The following COL11A1 variants were observed in gnomAD, a reference collection of about 807,000 sequenced individuals.
COL11A1 encodes the protein collagen alpha-1(XI) chain.
Under a neutral mutation model 265.2 loss-of-function variants are expected in COL11A1, and 74 were observed. That is an observed-to-expected ratio of 0.28 (90% CI 0.23 to 0.34). The LOEUF (loss-of-function observed/expected upper bound fraction) is 0.34. COL11A1 is among the 10% of genes least tolerant of loss of function. The pLI, the probability that COL11A1 is intolerant of heterozygous loss-of-function variation, is 1.00. For synonymous variants in COL11A1, 816 were observed against 727.6 expected (o/e 1.12, Z -1.96); for missense variants, 2,165 against 2,263.6 (o/e 0.96, Z 0.88).
In COL11A1 at chr1:103,078,724, T is replaced by C. The variant is rs1430449624; in HGVS notation, c.422A>G (p.Asp141Gly). The change falls in exon 3 of 67, where the codon GAC (aspartate) becomes GGC (glycine). Residue 141 changes from aspartate (D) to glycine (G), a missense_variant. Asp to Gly is a moderately conservative substitution (Grantham distance 94). Transcript: ENST00000370096. ...VGRSPVFLFE[D>G]HTGKPAPEDY... is the part of the protein sequence containing the mutation. Reference sequence around the variant, plus strand: ...TTCTGGGGCAGGTTTTCCAGTGTGGTCTTCAAACAGAAAAACAGGTGATCT... The same window carrying C: ...TTCTGGGGCAGGTTTTCCAGTGTGGCCTTCAAACAGAAAAACAGGTGATCT... 1 of 1,613,348 alleles carries C rather than the reference T, an allele frequency of 6.2e-7. No homozygotes were observed. Among genetic ancestry groups the C allele is most frequent in the African/African-American group, 1.3e-5 (1 of 74,874 alleles).
At chr1:103,042,548 G>T (rs1203947865) in intron 4 of COL11A1, among the ~76,000 whole-genome samples, 1 of 151,940 alleles carries the variant, frequency 6.6e-6, no homozygotes, top group African/African-American at 2.4e-5. Context: ...GTTGGTTTCC[G>T]GGACAGACAT....
chr1:102,913,864 C>T lies in COL11A1; in HGVS notation c.3979-174G>A, dbSNP rs12135438. On this transcript the variant is annotated intron_variant, in intron 52 of 66. Coordinates refer to ENST00000370096, the MANE Select transcript of COL11A1 (RefSeq NM_001854.4). ...AAAGATTGTGGTACCTCTCACTCTC[C>T]GCAAAAAAATTTGTAAAACTGCTAC... 0.06 allele frequency among the ~76,000 whole-genome samples: 9,079 copies of T among 151,974 alleles called. 334 individuals carry two copies. Among genetic ancestry groups the T allele is most frequent in the Non-Finnish European group, 0.085 (5,797 of 67,948 alleles).
Position 102,991,834 on chromosome 1 carries a change from ATT to A in COL11A1, c.2341-2265_2341-2264del, listed in dbSNP as rs5776670. On this transcript the variant is annotated intron_variant, in intron 28 of 66. Coordinates refer to ENST00000370096, the MANE Select transcript of COL11A1 (RefSeq NM_001854.4). ...CTCAAAGAACTCTAGCATGCCAGGA[ATT>A]TTTTTTTTTTTTTTCAAGAGAAAGT... Among the ~76,000 whole-genome samples the A allele has an allele frequency of 9.4e-3, 1,330 of 142,218 alleles. 14 individuals carry two copies. Among genetic ancestry groups the A allele is most frequent in the African/African-American group, 0.028 (1,087 of 39,248 alleles). 93.3% of individuals were successfully genotyped at this position (142,218 alleles called of 152,430 possible). A position where few individuals can be genotyped will look rare whatever the true frequency, so the allele number is the denominator to read the frequency against.
intron 36 of COL11A1, among the ~76,000 whole-genome samples, chr1:102,970,825 C>T (rs1036090185): frequency 6.6e-6 from 1 of 151,922 alleles, no homozygotes; most frequent in Non-Finnish European, 1.5e-5. Context: ...ACCATTCTGA[C>T]CAACATGCTG....
intron 30 of COL11A1, 78 bp downstream of exon 30, chr1:102,987,555 C>G: frequency 9.5e-7 from 1 of 1,057,574 alleles, no homozygotes; most frequent in African/African-American, 1.6e-5. Flanking sequence ...ATTTCTGACA[C>G]CAGTTATTGA....
chr1:102,896,548 A>G (rs1199958226), intron 57 of COL11A1, among the ~76,000 whole-genome samples: 1 of 152,166 alleles, frequency 6.6e-6, no homozygotes, highest in African/African-American at 2.4e-5. Flanking sequence ...CATCGTAAGT[A>G]CTCGCCATAA....
intron 15 of COL11A1, among the ~76,000 whole-genome samples, chr1:103,007,823 G>C (rs1665758394): frequency 7.2e-6 from 1 of 138,272 alleles, no homozygotes; most frequent in Non-Finnish European, 1.5e-5. Context: ...TTATGCCACT[G>C]CACACTCCAG....
In COL11A1 at chr1:103,103,230, TAAA is replaced by T. The variant is rs1674427656; in HGVS notation, c.106+4840_106+4842del. 2.0e-5 allele frequency among the ~76,000 whole-genome samples: 3 copies of T among 152,196 alleles called. No individual in the cohort carries two copies. The South Asian group carries it at 6.2e-4, about 31-fold the overall frequency. ...TGTCATAATGATTATCTGACATTAATAAAAGTCATACTATATGTATACATAAAA... is the reference window on the plus strand; with the variant it reads ...TGTCATAATGATTATCTGACATTAATAGTCATACTATATGTATACATAAAA... On this transcript the variant is annotated intron_variant, in intron 1 of 66. Coordinates refer to ENST00000370096, the MANE Select transcript of COL11A1 (RefSeq NM_001854.4).
intron 5 of COL11A1, 120 bp from the exon 6 acceptor site, chr1:103,026,452 TTGA>T: frequency 5.5e-6 from 4 of 731,336 alleles, no homozygotes; most frequent in Admixed American, 1.9e-5. Context: ...ATTAATGTTA[TTGA>T]TGAGTTATTT....
Position 102,886,973 on chromosome 1 carries a change from A to C in COL11A1, c.4692T>G (p.Asp1564Glu), listed in dbSNP as rs377486490. 3 of 1,613,836 alleles carry C rather than the reference A, an allele frequency of 1.9e-6. No individual in the cohort carries two copies. In the African/African-American group the frequency reaches 4.0e-5, roughly 22 times the overall value. The change falls in exon 63 of 67, where the codon GAT becomes GAG. Residue 1564 changes from aspartate to glutamate, a missense_variant. Physicochemically the swap from Asp to Glu is conservative, Grantham distance 45 (BLOSUM62 2). Coordinates refer to ENST00000370096, the MANE Select transcript of COL11A1 (RefSeq NM_001854.4). The part of the protein sequence containing the change: ...TRRHTEGMQA[D>E]ADDNILDYSD... ...AGTAATCAAGAATATTATCATCTGCATCTGCTTGCATGCCTTCAGTATGTC... is the reference window on the plus strand; with the variant it reads ...AGTAATCAAGAATATTATCATCTGCCTCTGCTTGCATGCCTTCAGTATGTC...
intron 1 of COL11A1, among the ~76,000 whole-genome samples, chr1:103,107,158 C>G (rs1450665782): frequency 1.3e-5 from 2 of 152,002 alleles, no homozygotes; most frequent in Non-Finnish European, 2.9e-5. Flanking sequence ...AGTGAAGTCG[C>G]TCTCCCTCCG....
rs1657178490 is a variant in COL11A1 at position 102,929,927 on chromosome 1, T to C, written c.3600+4522A>G. ...TGGTGCATAAGAATGCTTGTGATTT[T>C]AGTACATTGATTTTGTATCCTGAGA... On this transcript the variant is annotated intron_variant, in intron 46 of 66. Coordinates refer to ENST00000370096, the MANE Select transcript of COL11A1 (RefSeq NM_001854.4). Among the ~76,000 whole-genome samples, 3 of 152,356 alleles carry C rather than the reference T, an allele frequency of 2.0e-5. No homozygotes were observed. The South Asian group carries it at 6.2e-4, about 32-fold the overall frequency.
intron 3 of COL11A1, among the ~76,000 whole-genome samples, chr1:103,078,106 TCA>T (rs1672116640): frequency 6.6e-6 from 1 of 152,140 alleles, no homozygotes; most frequent in Admixed American, 6.6e-5. Flanking sequence ...CCTGTTTCTC[TCA>T]GAGTAGAATC....
At chr1:102,946,694 T>TA (rs1327122115) in intron 42 of COL11A1, among the ~76,000 whole-genome samples, 155 bp downstream of exon 42, 1 of 152,144 alleles carries the variant, frequency 6.6e-6, no homozygotes, top group Admixed American at 6.5e-5. Flanking sequence ...AATTTGAAAT[T>TA]TTCTCTATTA....
Position 103,025,525 on chromosome 1 carries a change from T to C in COL11A1, c.986A>G (p.Asn329Ser), listed in dbSNP as rs748401896. Residue 329 changes from asparagine (N) to serine (S), a missense_variant, in exon 7 of 67, where the codon AAT becomes AGT. Transcript: ENST00000370096. ...TEAPRHVSGT[N>S]EPNPVEEIFT... ...AATACTGTCTATACGTATTACCTCA[T>C]TTGTCCCAGAAACATGCCTAGGAGC... The C allele has an allele frequency of 1.9e-6, 3 of 1,608,626 alleles. No homozygotes were observed. The Admixed American group carries it at 5.0e-5, about 27-fold the overall frequency.
intron 54 of COL11A1, among the ~76,000 whole-genome samples, chr1:102,907,308 T>C (rs1463040): frequency 0.1 from 15,151 of 152,090 alleles, 1,769 homozygotes; most frequent in African/African-American, 0.28. Context: ...AAAATTTTTA[T>C]GAGGTTATTT....
At chr1:102,904,359 C>A (rs967492749) in intron 54 of COL11A1, among the ~76,000 whole-genome samples, 26 of 151,990 alleles carry the variant, frequency 1.7e-4, no homozygotes, top group Admixed American at 1.0e-3. Flanking sequence ...GCAACAAAAG[C>A]CAAAATTGAC....
intron 4 of COL11A1, among the ~76,000 whole-genome samples, chr1:103,057,025 G>A (rs1571173660): frequency 6.6e-6 from 1 of 152,054 alleles, no homozygotes; most frequent in East Asian, 1.9e-4. Flanking sequence ...CTTAAAATAA[G>A]GCAATGATGA....
intron 37 of COL11A1, among the ~76,000 whole-genome samples, chr1:102,967,224 A>ATTTTTTTTTT (rs1557882148): frequency 1.5e-4 from 6 of 41,220 alleles, no homozygotes; most frequent in Non-Finnish European, 2.9e-4. Flanking sequence ...AACATAATAA[A>ATTTTTTTTTT]TTCTTTTTTT....
Sources: allele counts gnomAD v4.1 joint callset (sites outside exome capture counted in the v4.1 genomes callset), GRCh38; gene constraint gnomAD v4.1.1; transcripts MANE v1.5; gene names NCBI Gene and HGNC (gene_info 2026-07-23, HGNC 2026-07-21).